Variants in GSG1L observed in about 807,000 individuals in gnomAD.
GSG1L encodes the protein GSG1 like, also known as germ cell-specific gene 1-like protein.
Under a neutral mutation model 42.1 loss-of-function variants are expected in GSG1L, and 24 were observed. The ratio of observed to expected loss-of-function variants is 0.57; its 90% CI spans 0.41 to 0.80. The LOEUF (loss-of-function observed/expected upper bound fraction) is 0.80, where lower values mean the gene tolerates loss of function less well. Ranked by LOEUF, GSG1L falls within the 30% of genes least tolerant of loss-of-function variation. The pLI is 0.00. For synonymous variants in GSG1L, 215 were observed against 203.5 expected (o/e 1.06, Z -0.48); for missense variants, 445 against 472.2 (o/e 0.94, Z 0.53).
intron 1 of GSG1L, among the ~76,000 whole-genome samples, chr16:28,058,636 AC>A (rs11298454): frequency 0.4 from 54,461 of 134,658 alleles, 11,619 homozygotes; most frequent in Non-Finnish European, 0.42. Flanking sequence ...AAAAAAAAAA[AC>A]AAACAAACCA....
intron 2 of GSG1L, among the ~76,000 whole-genome samples, chr16:27,955,070 C>T (rs551312139): frequency 1.2e-3 from 179 of 152,178 alleles, no homozygotes; most frequent in African/African-American, 4.0e-3. Context: ...TAAGTTCGCA[C>T]CTCACTGTTA....
chr16:27,817,353 G>T (rs1384056833), intron 5 of GSG1L, among the ~76,000 whole-genome samples: 1 of 152,134 alleles, frequency 6.6e-6, no homozygotes, highest in Non-Finnish European at 1.5e-5. Flanking sequence ...CATCCTCAAG[G>T]CCAGCCCCTC....
chr16:27,813,599 G>A (rs530239335), intron 5 of GSG1L, among the ~76,000 whole-genome samples: 40 of 152,342 alleles, frequency 2.6e-4, no homozygotes, highest in Admixed American at 4.6e-4. Context: ...ACGCAGTGTT[G>A]CCATTCTGGA....
intron 2 of GSG1L, among the ~76,000 whole-genome samples, chr16:27,901,756 C>CGTAG (rs1377807189): frequency 3.9e-5 from 6 of 152,326 alleles, no homozygotes; most frequent in African/African-American, 1.2e-4. Flanking sequence ...GGTGATGCCC[C>CGTAG]GTAGTGCTTG....
rs990235750 is a variant in GSG1L, at chr16:27,789,539, A to G, written c.*1831T>C. ...ATGGATGATGGATGGAAGGATAAAT[A>G]ATGGATAAATGAAGAAATGCATAAT... On this transcript the variant is annotated 3_prime_UTR_variant, in exon 7 of 7. Coordinates refer to ENST00000447459, the MANE Select transcript of GSG1L (RefSeq NM_001109763.2). 6.0e-5 allele frequency: 9 copies of G among 150,830 alleles called. No individual in the cohort carries two copies. The highest frequency in any genetic ancestry group is 5.3e-4 in the Admixed American group (8 of 15,188). 9.3% of individuals were successfully genotyped at this position (150,830 alleles called of 1,614,324 possible).
At chr16:27,955,881 AGAGGAAGGAAGG>A (rs1430576605) in intron 2 of GSG1L, among the ~76,000 whole-genome samples, 1 of 88,488 alleles carries the variant, frequency 1.1e-5, no homozygotes, top group Non-Finnish European at 2.5e-5. Context: ...CCATAAGAGA[AGAGGAAGGAAGG>A]AAGGAAGGAA....
At chr16:27,887,765 T>G (rs546942901) in intron 2 of GSG1L, among the ~76,000 whole-genome samples, 1 of 152,292 alleles carries the variant, frequency 6.6e-6, no homozygotes, top group East Asian at 1.9e-4. Context: ...TTCAGAGAAC[T>G]TTTCTTTTCC....
intron 2 of GSG1L, among the ~76,000 whole-genome samples, chr16:27,931,689 T>C (rs574215248): frequency 6.6e-6 from 1 of 152,212 alleles, no homozygotes; most frequent in South Asian, 2.1e-4. Context: ...CCTTGGTCCT[T>C]AGGAGGACAC....
At chr16:27,824,551 A>AAG (rs1003655249) in intron 5 of GSG1L, among the ~76,000 whole-genome samples, 1 of 151,802 alleles carries the variant, frequency 6.6e-6, no homozygotes, top group African/African-American at 2.4e-5. Flanking sequence ...AGCACAAAAA[A>AAG]AAAAAGAAAA....
intron 5 of GSG1L, among the ~76,000 whole-genome samples, chr16:27,809,431 C>T (rs1026061493): frequency 6.6e-6 from 1 of 151,774 alleles, no homozygotes; most frequent in Non-Finnish European, 1.5e-5. Context: ...TAAGCCAGCA[C>T]ATGTGGTGTG....
intron 3 of GSG1L, among the ~76,000 whole-genome samples, chr16:27,880,977 TA>T (rs1342433258): frequency 6.6e-6 from 1 of 151,680 alleles, no homozygotes; most frequent in Non-Finnish European, 1.5e-5. Context: ...ACTTCTTCCC[TA>T]TCTTGGTTAG....
chr16:27,843,698 A>C (rs2083413038), intron 4 of GSG1L, among the ~76,000 whole-genome samples: 1 of 152,108 alleles, frequency 6.6e-6, no homozygotes, highest in African/African-American at 2.4e-5. Context: ...GCTGTGTCTG[A>C]AGCAGACTTT....
intron 3 of GSG1L, among the ~76,000 whole-genome samples, chr16:27,849,825 C>T (rs931526799): frequency 6.6e-6 from 1 of 150,498 alleles, no homozygotes; most frequent in Non-Finnish European, 1.5e-5. Flanking sequence ...TGTGCCCAGC[C>T]TGGGGCAAGT....
chr16:27,981,947 T>C (rs900717012), intron 1 of GSG1L, among the ~76,000 whole-genome samples: 1 of 152,222 alleles, frequency 6.6e-6, no homozygotes, highest in Non-Finnish European at 1.5e-5. Flanking sequence ...GGTCAGACTC[T>C]CTGGGTCTTA....
intron 1 of GSG1L, among the ~76,000 whole-genome samples, chr16:28,025,399 C>A (rs1048108818): frequency 6.6e-6 from 1 of 152,192 alleles, no homozygotes; most frequent in Non-Finnish European, 1.5e-5. Context: ...GGGACATGCA[C>A]CCCACCTCCA....
chr16:28,025,539 A>G (rs1022366462), intron 1 of GSG1L, among the ~76,000 whole-genome samples: 1 of 152,206 alleles, frequency 6.6e-6, no homozygotes, highest in African/African-American at 2.4e-5. Flanking sequence ...CTGGCTCCGC[A>G]GGCCCCCAAC....
rs113980025 is a variant in GSG1L at position 27,879,220 on chromosome 16, GAT to G, written c.550+5264_550+5265del. Among the ~76,000 whole-genome samples, 362 of 152,312 alleles carry G rather than the reference GAT, an allele frequency of 2.4e-3. 3 individuals are homozygous for G. Among genetic ancestry groups the G allele is most frequent in the Middle Eastern group, 0.01 (3 of 294 alleles). On this transcript the variant is annotated intron_variant, in intron 3 of 6. Transcript: ENST00000447459. ...GTCAATGCTGGCTATTGTGATTAAT[GAT>G]AATGAATGAATGAATTATAAATCAG...
intron 2 of GSG1L, among the ~76,000 whole-genome samples, chr16:27,920,059 T>C (rs2084506696): frequency 6.6e-6 from 1 of 152,222 alleles, no homozygotes; most frequent in South Asian, 2.1e-4. Flanking sequence ...TGTCCTCCTT[T>C]GAGGCATACC....
At chr16:27,796,038 G>T (rs2082814431) in intron 6 of GSG1L, among the ~76,000 whole-genome samples, 1 of 152,198 alleles carries the variant, frequency 6.6e-6, no homozygotes, top group Admixed American at 6.5e-5. Context: ...GCACTTAGAG[G>T]GAAACTGACT....
Sources: gnomAD v4.1 joint callset for allele counts (sites outside exome capture counted in the v4.1 genomes callset) on GRCh38, gnomAD v4.1.1 for gene constraint, MANE v1.5 for transcripts, NCBI Gene and HGNC (gene_info 2026-07-23, HGNC 2026-07-21) for gene names.